Variants in TMEM87A observed in about 807,000 individuals in gnomAD.
TMEM87A encodes Golgi-pH regulating cation channel.
TMEM87A carries 50 observed loss-of-function variants against 90.0 expected under a neutral mutation model. The observed-to-expected ratio is 0.56, with a 90% confidence interval of 0.44 to 0.70. TMEM87A has a LOEUF of 0.70. Ranked by LOEUF, TMEM87A falls within the 30% of genes least tolerant of loss-of-function variation. TMEM87A has a pLI of 0.00. For synonymous variants in TMEM87A, 226 were observed against 226.7 expected, an observed-to-expected ratio of 1.00 and a Z score of 0.03; for missense variants, 577 against 660.5, an observed-to-expected ratio of 0.87 and a Z score of 1.39.
rs914163832 is a variant in TMEM87A, at chr15:42,267,335, C to T, written c.291+612G>A. Among the ~76,000 whole-genome samples, 4 of 152,098 alleles carry T rather than the reference C, an allele frequency of 2.6e-5. No homozygotes were observed. The East Asian group carries it at 7.7e-4, about 29-fold the overall frequency. On this transcript the variant is annotated intron_variant, in intron 3 of 19. Transcript: ENST00000389834. Reference sequence around the variant, plus strand: ...AAAAGTTCATTAATATTTCAGATTCCACATTGCAACTAACCTTTAAAAACT... The same window carrying T: ...AAAAGTTCATTAATATTTCAGATTCTACATTGCAACTAACCTTTAAAAACT...
chr15:42,265,953 T>C (rs143573080), intron 3 of TMEM87A, among the ~76,000 whole-genome samples: 1,536 of 152,310 alleles, frequency 0.01, 31 homozygotes, highest in African/African-American at 0.036. Context: ...CGCAACACTA[T>C]CTACTAAATA....
At chr15:42,223,879 C>T (rs2050541667) in intron 15 of TMEM87A, among the ~76,000 whole-genome samples, 1 of 152,144 alleles carries the variant, frequency 6.6e-6, no homozygotes, top group Admixed American at 6.5e-5. Flanking sequence ...AAGAAAAAAC[C>T]TCTCTCATAC....
intron 3 of TMEM87A, among the ~76,000 whole-genome samples, chr15:42,266,282 G>A (rs1015096018): frequency 2.6e-5 from 4 of 152,228 alleles, no homozygotes; most frequent in African/African-American, 9.6e-5. Context: ...TTGGGAGACT[G>A]AGGCAGGTGG....
chr15:42,211,871 G>A (rs1244945272), intron 19 of TMEM87A, 122 bp from the exon 20 acceptor site: 3 of 912,944 alleles, frequency 3.3e-6, no homozygotes, highest in Non-Finnish European at 3.3e-6. Flanking sequence ...TAAATGTTTA[G>A]AGAAATGGTT....
intron 1 of TMEM87A, 133 bp downstream of exon 1, chr15:42,273,122 T>C: frequency 8.6e-7 from 1 of 1,169,062 alleles, no homozygotes; most frequent in Non-Finnish European, 1.2e-6. Context: ...CCCAGTTGGC[T>C]AGCCACACAG....
chr15:42,256,665 A>G (rs1186083072), intron 6 of TMEM87A, among the ~76,000 whole-genome samples: 1 of 152,208 alleles, frequency 6.6e-6, no homozygotes. Context: ...ACAACTGAAG[A>G]AAGCACAAGT....
intron 13 of TMEM87A, among the ~76,000 whole-genome samples, chr15:42,228,236 G>C (rs2050631231): frequency 6.6e-6 from 1 of 152,094 alleles, no homozygotes; most frequent in Admixed American, 6.5e-5. Context: ...ACTATTCCTG[G>C]TACAAGGGTC....
intron 8 of TMEM87A, among the ~76,000 whole-genome samples, chr15:42,238,613 G>A (rs1344133372): frequency 6.6e-6 from 1 of 152,000 alleles, no homozygotes; most frequent in African/African-American, 2.4e-5. Context: ...GCCAGGCATA[G>A]TGGCACACGC....
chr15:42,211,492 T>C lies in TMEM87A; in HGVS notation c.*216A>G, dbSNP rs2050285949. ...GGAAAGGGGGCAGCAGTGTTGTAAA[T>C]AAGAAGCTCGTAGATTTTTCTCATC... is the stretch of plus-strand genomic sequence containing the variant. On this transcript the variant is annotated 3_prime_UTR_variant, in exon 20 of 20. Transcript: ENST00000389834. 4.1e-6 allele frequency: 2 copies of C among 488,662 alleles called. No individual in the cohort carries two copies. The highest frequency in any genetic ancestry group is 7.4e-5 in the South Asian group (2 of 27,158). 30.3% of individuals were successfully genotyped at this position (488,662 alleles called of 1,614,324 possible).
chr15:42,228,941 A>G, intron 12 of TMEM87A, 121 bp from the exon 13 acceptor site: 1 of 612,878 alleles, frequency 1.6e-6, no homozygotes, highest in Non-Finnish European at 2.8e-6. Flanking sequence ...CAGAGGCCTT[A>G]TAGCTCTCTT....
intron 3 of TMEM87A, among the ~76,000 whole-genome samples, chr15:42,264,699 A>ATATTTTTTTTTTT (rs10681614): frequency 2.2e-4 from 24 of 109,438 alleles, no homozygotes; most frequent in African/African-American, 6.2e-4. Flanking sequence ...ATATATATAT[A>ATATTTTTTTTTTT]TTTTTTTTTT....
At chr15:42,225,044 A>T (rs2050564482) in intron 15 of TMEM87A, among the ~76,000 whole-genome samples, 2 of 152,242 alleles carry the variant, frequency 1.3e-5, no homozygotes, top group Admixed American at 1.3e-4. Flanking sequence ...GTTCTTTCTC[A>T]ATAGTGTGAT....
chr15:42,258,079 C>T (rs1465072750), intron 6 of TMEM87A: 2 of 977,538 alleles, frequency 2.0e-6, no homozygotes, highest in African/African-American at 1.8e-5. Flanking sequence ...CATAAAATTC[C>T]AAGATAATGA....
intron 10 of TMEM87A, among the ~76,000 whole-genome samples, chr15:42,234,813 A>G (rs1013842413): frequency 3.3e-5 from 5 of 152,172 alleles, no homozygotes; most frequent in African/African-American, 1.2e-4. Context: ...TCAATGGCCA[A>G]TTCTCACTTG....
At chr15:42,220,250 C>T in intron 15 of TMEM87A, 115 bp from the exon 16 acceptor site, 1 of 719,292 alleles carries the variant, frequency 1.4e-6, no homozygotes, top group Admixed American at 2.7e-5. Context: ...TTCATTAAAT[C>T]AGTTTAATAA....
chr15:42,242,136 A>C (rs543060095), intron 7 of TMEM87A, among the ~76,000 whole-genome samples: 1 of 152,086 alleles, frequency 6.6e-6, no homozygotes, highest in Non-Finnish European at 1.5e-5. Context: ...AACAAGACAG[A>C]CATTTCCAAG....
At chr15:42,263,826 T>C (rs78784401) in intron 4 of TMEM87A, among the ~76,000 whole-genome samples, 1,647 of 152,294 alleles carry the variant, frequency 0.011, 32 homozygotes, top group African/African-American at 0.038. Flanking sequence ...TATTATACAC[T>C]TAGAAATGGT....
chr15:42,222,669 CT>C (rs2050514704), intron 15 of TMEM87A, among the ~76,000 whole-genome samples: 1 of 152,044 alleles, frequency 6.6e-6, no homozygotes, highest in African/African-American at 2.4e-5. Flanking sequence ...AGCAATTCTG[CT>C]GTCTCAGCCT....
rs538731898 is a variant in TMEM87A, at chr15:42,251,187, T to C, written c.505-7020A>G. 2.6e-5 allele frequency among the ~76,000 whole-genome samples: 4 copies of C among 152,300 alleles called. No homozygotes were observed. The South Asian group carries it at 8.3e-4, about 32-fold the overall frequency. On this transcript the variant is annotated intron_variant, in intron 6 of 19. Coordinates refer to ENST00000389834, the MANE Select transcript of TMEM87A (RefSeq NM_015497.5). ...AGCTTCCTTGTGATGGGTTTGAACA[T>C]CCTCCTTTAGCTCAGAGAGGTTTGT...
Sources: allele counts gnomAD v4.1 joint callset (sites outside exome capture counted in the v4.1 genomes callset), GRCh38; gene constraint gnomAD v4.1.1; transcripts MANE v1.5; gene names NCBI Gene and HGNC (gene_info 2026-07-23, HGNC 2026-07-21).